GUCY1B1: variants seen among roughly 807,000 people sequenced by gnomAD.
GUCY1B1 encodes guanylate cyclase soluble subunit beta-1.
GUCY1B1 carries 43 observed loss-of-function variants against 71.0 expected under a neutral mutation model. That is an observed-to-expected ratio of 0.61 (90% CI 0.47 to 0.78). The LOEUF (loss-of-function observed/expected upper bound fraction) is 0.78, where lower values mean the gene tolerates loss of function less well. Among genes scored for constraint, GUCY1B1 ranks in the 30% least tolerant of loss-of-function variants. GUCY1B1 has a pLI of 0.00. For synonymous variants in GUCY1B1, 266 were observed against 259.7 expected, an observed-to-expected ratio of 1.02 and a Z score of -0.23; for missense variants, 535 against 754.1, an observed-to-expected ratio of 0.71 and a Z score of 3.40.
chr4:155,759,162 G>T lies in GUCY1B1; in HGVS notation c.3+19G>T, dbSNP rs768072006. 6.4e-7 allele frequency: 1 copy of T among 1,574,732 alleles called. No individual in the cohort carries two copies. The highest frequency in any genetic ancestry group is 1.4e-5 in the African/African-American group (1 of 73,744). ...CACCATGGTAAGTGCTCTCAGCCGG[G>T]TGCGGCCCGAACCTCACCCCTCCTC... On this transcript the variant is annotated intron_variant, in intron 1 of 13. Coordinates refer to ENST00000264424, the MANE Select transcript of GUCY1B1 (RefSeq NM_000857.5).
At chr4:155,800,952 CA>C (rs1739912056) in intron 9 of GUCY1B1, among the ~76,000 whole-genome samples, 1 of 152,084 alleles carries the variant, frequency 6.6e-6, no homozygotes, top group African/African-American at 2.4e-5. Context: ...ATCTAGGTTT[CA>C]TTTTTTTTGT....
chr4:155,763,650 T>C (rs1463860483), intron 2 of GUCY1B1, among the ~76,000 whole-genome samples: 1 of 152,204 alleles, frequency 6.6e-6, no homozygotes, highest in Non-Finnish European at 1.5e-5. Context: ...TTGGATAGCA[T>C]ATACTTCCAG....
At chr4:155,796,920 C>CA (rs1739596055) in intron 8 of GUCY1B1, among the ~76,000 whole-genome samples, 1 of 151,992 alleles carries the variant, frequency 6.6e-6, no homozygotes, top group South Asian at 2.1e-4. Context: ...AGTATGTTAG[C>CA]AAAAAATCTA....
intron 4 of GUCY1B1, among the ~76,000 whole-genome samples, chr4:155,787,570 C>T (rs1455735257): frequency 6.6e-6 from 1 of 152,208 alleles, no homozygotes; most frequent in African/African-American, 2.4e-5. Flanking sequence ...TCAAAAGCCA[C>T]TCTACACATC....
At chr4:155,759,751 G>A (rs770685889) in intron 1 of GUCY1B1, 36 bp from the exon 2 acceptor site, 10 of 1,511,714 alleles carry the variant, frequency 6.6e-6, no homozygotes, top group Non-Finnish European at 8.3e-6. Flanking sequence ...AGGTACAGCG[G>A]GTCCCTGACG....
At chr4:155,798,360 G>A (rs1159046872) in intron 8 of GUCY1B1, among the ~76,000 whole-genome samples, 1 of 152,130 alleles carries the variant, frequency 6.6e-6, no homozygotes, top group Admixed American at 6.6e-5. Context: ...AACTCAGTAT[G>A]AGCATTTTTG....
At position 155,771,678 on chromosome 4, in the gene GUCY1B1, G is replaced by A. The variant is rs191809853; in HGVS notation, c.78-3290G>A. 2.1e-3 allele frequency among the ~76,000 whole-genome samples: 319 copies of A among 152,098 alleles called. 1 individual carries two copies. The highest frequency in any genetic ancestry group is 7.2e-3 in the African/African-American group (299 of 41,490). ...GACAAAACATAAGGTATCCATATCC[G>A]TCAAACTATTTATCCCATTCCTAAG... On this transcript the variant is annotated intron_variant, in intron 2 of 13. Transcript: ENST00000264424.
intron 5 of GUCY1B1, among the ~76,000 whole-genome samples, chr4:155,791,234 C>T (rs1324462653): frequency 2.6e-5 from 4 of 151,392 alleles, no homozygotes; most frequent in Admixed American, 1.3e-4. Flanking sequence ...CCTGCCTCAG[C>T]CTCCCAAGTA....
chr4:155,787,708 G>A (rs576490383), intron 4 of GUCY1B1, among the ~76,000 whole-genome samples: 1 of 152,300 alleles, frequency 6.6e-6, no homozygotes, highest in South Asian at 2.1e-4. Context: ...ACATTATAGA[G>A]TGAATGCATG....
In GUCY1B1 at chr4:155,802,471, C is replaced by T; in HGVS notation, c.1305C>T (p.Ser435=). Residue 435 remains serine (S), a synonymous_variant, in exon 10 of 14, where the codon AGC becomes AGT. Transcript: ENST00000264424. This position sits in a 1 kb window ranked among gnomAD's most constrained non-coding sequence, Gnocchi z 4.3. ...TTGTGGGCTTCAATGCTTTCTGTAG[C>T]AAGCATGCATCTGGAGAAGGAGCCA... The part of the protein sequence containing the change: ...SGIVGFNAFC[S]KHASGEGAMK... The T allele has an allele frequency of 3.7e-6, 6 of 1,613,674 alleles. No individual in the cohort carries two copies. Among genetic ancestry groups the T allele is most frequent in the Non-Finnish European group, 5.1e-6 (6 of 1,179,648 alleles).
intron 3 of GUCY1B1, among the ~76,000 whole-genome samples, chr4:155,776,923 G>T (rs1247028029): frequency 2.6e-5 from 4 of 152,156 alleles, no homozygotes; most frequent in South Asian, 2.1e-4. Context: ...TAAGTACAGG[G>T]TGAGTATCTC....
chr4:155,776,336 G>T (rs1479376065), intron 3 of GUCY1B1, among the ~76,000 whole-genome samples: 1 of 152,034 alleles, frequency 6.6e-6, no homozygotes, highest in East Asian at 1.9e-4. Flanking sequence ...CTGAAAAAAA[G>T]CCTACATTTT....
intron 5 of GUCY1B1, among the ~76,000 whole-genome samples, chr4:155,793,341 T>G (rs1739312966): frequency 6.6e-6 from 1 of 152,180 alleles, no homozygotes; most frequent in African/African-American, 2.4e-5. Flanking sequence ...CCTCCCAAAG[T>G]GCTAGGATTA....
In GUCY1B1 at chr4:155,775,037, T is replaced by G; in HGVS notation, c.147T>G (p.Tyr49Ter). 1 of 1,602,822 alleles carries G rather than the reference T, an allele frequency of 6.2e-7. No individual in the cohort carries two copies. The highest frequency in any genetic ancestry group is 1.1e-5 in the South Asian group (1 of 90,856). The change falls in exon 3 of 14, where the codon TAT becomes TAG. Residue 49 changes from tyrosine (Y) to a stop codon, truncating the protein, a stop_gained. Transcript: ENST00000264424. LOFTEE classifies it high-confidence loss of function. The stretch of plus-strand genomic sequence containing the variant: ...TAATATATGATGACTCCAAAACTTA[T>G]GATTTGGTTGCTGCTGCAAGCAAAG... ...VRIIYDDSKT[Y>*]DLVAAASKVL...
chr4:155,771,477 CAG>C (rs1249249424), intron 2 of GUCY1B1, among the ~76,000 whole-genome samples: 1 of 152,114 alleles, frequency 6.6e-6, no homozygotes, highest in Non-Finnish European at 1.5e-5. Flanking sequence ...TTCAAATAAA[CAG>C]AGTTTATTAC....
At chr4:155,797,965 C>G (rs550790208) in intron 8 of GUCY1B1, among the ~76,000 whole-genome samples, 43 of 152,228 alleles carry the variant, frequency 2.8e-4, no homozygotes, top group African/African-American at 1.0e-3. Flanking sequence ...GATGTCCCAT[C>G]TGCTATCAGT....
At chr4:155,795,782 T>G (rs1287453960) in intron 7 of GUCY1B1, among the ~76,000 whole-genome samples, 4 of 150,418 alleles carry the variant, frequency 2.7e-5, no homozygotes, top group Non-Finnish European at 5.9e-5. Flanking sequence ...AAAGGATTTT[T>G]TTTTTTGGAA....
intron 5 of GUCY1B1, among the ~76,000 whole-genome samples, chr4:155,791,861 T>G (rs1739207865): frequency 6.6e-6 from 1 of 151,254 alleles, no homozygotes; most frequent in Non-Finnish European, 1.5e-5. Context: ...TTAACCAGAC[T>G]GAGAAAGAGG....
At chr4:155,764,735 G>C (rs1737216903) in intron 2 of GUCY1B1, among the ~76,000 whole-genome samples, 1 of 152,208 alleles carries the variant, frequency 6.6e-6, no homozygotes, top group African/African-American at 2.4e-5. Flanking sequence ...TGTGTTGGCT[G>C]TTAAGCTTAC....
Sources: allele counts gnomAD v4.1 joint callset (sites outside exome capture counted in the v4.1 genomes callset), GRCh38; gene constraint gnomAD v4.1.1; non-coding constraint Gnocchi (gnomAD v3.1); transcripts MANE v1.5; gene names NCBI Gene and HGNC (gene_info 2026-07-23, HGNC 2026-07-21).